COL5A2: variants seen among roughly 807,000 people sequenced by gnomAD.
COL5A2 encodes the protein collagen alpha-2(V) chain.
In COL5A2, 23 loss-of-function variants were observed where a neutral mutation model predicts 208.2. That is an observed-to-expected ratio of 0.11 (90% CI 0.08 to 0.16). COL5A2 has a LOEUF of 0.16. Among genes scored for constraint, COL5A2 ranks in the 10% least tolerant of loss-of-function variants. The pLI, the probability that COL5A2 is intolerant of heterozygous loss-of-function variation, is 1.00. For missense variants in COL5A2, 1,590 were observed against 1,956.4 expected (o/e 0.81, Z 3.53); for synonymous variants, 625 against 628.5 (o/e 0.99, Z 0.08).
At chr2:189,142,277 T>C (rs1687948665) in intron 1 of COL5A2, among the ~76,000 whole-genome samples, 1 of 152,094 alleles carries the variant, frequency 6.6e-6, no homozygotes, top group South Asian at 2.1e-4. Context: ...CTTGTTTTTT[T>C]ATTTCTAAAA....
At chr2:189,065,584 A>G (rs1686130908) in intron 23 of COL5A2, among the ~76,000 whole-genome samples, 1 of 152,208 alleles carries the variant, frequency 6.6e-6, no homozygotes, top group African/African-American at 2.4e-5. Flanking sequence ...AACGATTCAT[A>G]GTAAAATTAA....
chr2:189,262,994 T>C, the COL5A2 span, among the ~76,000 whole-genome samples: 1 of 152,048 alleles, frequency 6.6e-6, no homozygotes. Context: ...ATTCAGAAAA[T>C]AATTGGTGTT....
the COL5A2 span, among the ~76,000 whole-genome samples, chr2:189,308,234 A>G: frequency 7.0e-6 from 1 of 142,716 alleles, no homozygotes; most frequent in South Asian, 2.5e-4. Flanking sequence ...GGGCATTCCA[A>G]AATAAACCGG....
At chr2:189,361,416 A>G in the COL5A2 span, among the ~76,000 whole-genome samples, 2 of 151,928 alleles carry the variant, frequency 1.3e-5, no homozygotes, top group Non-Finnish European at 1.5e-5. Flanking sequence ...ATCTGATGTT[A>G]AGTATAACTC....
chr2:189,107,726 T>C (rs1687178683), intron 2 of COL5A2, among the ~76,000 whole-genome samples: 1 of 151,496 alleles, frequency 6.6e-6, no homozygotes, highest in Admixed American at 6.6e-5. Context: ...CTTTGTTTGG[T>C]GTGTTAGAAC....
At chr2:189,340,412 A>T in the COL5A2 span, among the ~76,000 whole-genome samples, 1 of 152,232 alleles carries the variant, frequency 6.6e-6, no homozygotes, top group Non-Finnish European at 1.5e-5. Flanking sequence ...CTTAAAAACT[A>T]AAAGACAAAA....
At chr2:189,095,229 C>T (rs1334064785) in intron 6 of COL5A2, 2 of 152,182 alleles carry the variant, frequency 1.3e-5, no homozygotes, top group African/African-American at 4.8e-5. Context: ...AGGCTTGAGA[C>T]ATGAGGCAAA....
intron 1 of COL5A2, among the ~76,000 whole-genome samples, chr2:189,114,635 A>AC (rs1470127974): frequency 1.3e-4 from 19 of 150,932 alleles, no homozygotes; most frequent in African/African-American, 3.9e-4. Context: ...AGGACTTAAA[A>AC]AAAAAAAAAA....
chr2:189,309,174 G>C, the COL5A2 span, among the ~76,000 whole-genome samples: 12 of 152,288 alleles, frequency 7.9e-5, no homozygotes, highest in African/African-American at 2.9e-4. Flanking sequence ...GTGATGGTCA[G>C]GTGATTGTTA....
At chr2:189,311,240 G>T in the COL5A2 span, 89 of 1,446,896 alleles carry the variant, frequency 6.2e-5, no homozygotes, top group African/African-American at 1.2e-3. Context: ...CTCCCCAAAG[G>T]GTACCCTGCT....
At chr2:189,133,147 A>C (rs1156769754) in intron 1 of COL5A2, 2 of 108,218 alleles carry the variant, frequency 1.8e-5, no homozygotes, top group Non-Finnish European at 3.5e-5. Context: ...TTTGAGACCG[A>C]GTCTTGCTCT....
chr2:189,323,029 T>G, the COL5A2 span, among the ~76,000 whole-genome samples: 2 of 152,110 alleles, frequency 1.3e-5, no homozygotes, highest in African/African-American at 4.8e-5. Context: ...CACAAATCAA[T>G]AAACGTAATA....
chr2:189,154,265 A>G (rs1416431568), intron 1 of COL5A2, among the ~76,000 whole-genome samples: 1 of 152,228 alleles, frequency 6.6e-6, no homozygotes, highest in Non-Finnish European at 1.5e-5. Flanking sequence ...ACTACACAGC[A>G]GTAATGAAAT....
intron 47 of COL5A2, 27 bp downstream of exon 47, chr2:189,045,152 T>C (rs1373675009): frequency 1.9e-6 from 3 of 1,564,796 alleles, no homozygotes; most frequent in East Asian, 2.3e-5. Context: ...GAAAACATTT[T>C]TTAAAAAACA....
intron 43 of COL5A2, 128 bp downstream of exon 43, chr2:189,050,440 GA>G (rs1685759750): frequency 1.3e-6 from 1 of 756,188 alleles, no homozygotes; most frequent in Admixed American, 2.3e-5. Context: ...AGATTTTTAA[GA>G]GACTCAAAAA....
chr2:189,318,501 G>A, the COL5A2 span, among the ~76,000 whole-genome samples: 1 of 152,132 alleles, frequency 6.6e-6, no homozygotes, highest in Non-Finnish European at 1.5e-5. Flanking sequence ...ATTGCCATGA[G>A]CTTATAAGAT....
chr2:189,067,447 T>C (rs1430705999), intron 21 of COL5A2, among the ~76,000 whole-genome samples: 1 of 152,164 alleles, frequency 6.6e-6, no homozygotes, highest in Non-Finnish European at 1.5e-5. Flanking sequence ...TAAATATTTA[T>C]TTAAATATTT....
At chr2:189,053,836 T>C in intron 37 of COL5A2, 59 bp downstream of exon 37, 2 of 1,357,728 alleles carry the variant, frequency 1.5e-6, no homozygotes, top group Non-Finnish European at 2.1e-6. Context: ...AAAAACAAAA[T>C]GATTAATTGT....
At chr2:189,173,358 A>G (rs921848069) in intron 1 of COL5A2, among the ~76,000 whole-genome samples, 6 of 152,130 alleles carry the variant, frequency 3.9e-5, no homozygotes, top group African/African-American at 1.4e-4. Context: ...CTTAGTGAAT[A>G]TTTTAGTATA....
Sources: gnomAD v4.1 joint callset for allele counts (sites outside exome capture counted in the v4.1 genomes callset) on GRCh38, gnomAD v4.1.1 for gene constraint, MANE v1.5 for transcripts, NCBI Gene and HGNC (gene_info 2026-07-23, HGNC 2026-07-21) for gene names.